Variants in COL23A1 observed in about 807,000 individuals in gnomAD.
COL23A1 encodes collagen type XXIII alpha 1 chain, also known as collagen alpha-1(XXIII) chain.
In COL23A1, 97 loss-of-function variants were observed where a neutral mutation model predicts 99.3. The ratio of observed to expected loss-of-function variants is 0.98; its 90% CI spans 0.83 to 1.16. The LOEUF is 1.16. Among genes scored for constraint, COL23A1 ranks in the 50% most tolerant of loss-of-function variants. The pLI, the probability that COL23A1 is intolerant of heterozygous loss-of-function variation, is 0.00. For synonymous variants in COL23A1, 320 were observed against 308.2 expected, an observed-to-expected ratio of 1.04 and a Z score of -0.40; for missense variants, 762 against 757.4, an observed-to-expected ratio of 1.01 and a Z score of -0.07.
rs531361586 is a variant in COL23A1 at position 178,389,499 on chromosome 5, G to T, written c.362-82580C>A. Among the ~76,000 whole-genome samples the T allele has an allele frequency of 6.6e-5, 10 of 152,368 alleles. 1 individual carries two copies. The South Asian group carries it at 2.1e-3, about 32-fold the overall frequency. ...CATTCACACAGGGTCTGCAGGAGCT[G>T]ATGTCCACTGGGGAGCTGCACATTC... On this transcript the variant is annotated intron_variant, in intron 2 of 28. Coordinates refer to ENST00000390654, the MANE Select transcript of COL23A1 (RefSeq NM_173465.4).
At chr5:178,490,883 T>A (rs1562019247) in intron 2 of COL23A1, among the ~76,000 whole-genome samples, 1 of 149,250 alleles carries the variant, frequency 6.7e-6, no homozygotes, top group Non-Finnish European at 1.5e-5. Context: ...AAGAGTGAAT[T>A]TTACTGCATG....
At chr5:178,452,155 A>G (rs1343942168) in intron 2 of COL23A1, among the ~76,000 whole-genome samples, 1 of 152,242 alleles carries the variant, frequency 6.6e-6, no homozygotes, top group Non-Finnish European at 1.5e-5. Context: ...TGACACATGA[A>G]TAGACAGATC....
chr5:178,547,543 CCACA>C lies in COL23A1; in HGVS notation c.361+13135_361+13138del, dbSNP rs566028111. ...CACACACTCACACCCACAAACACAC[CCACA>C]CACCCCCATACACACCCCCACACAC... On this transcript the variant is annotated intron_variant, in intron 2 of 28. Transcript: ENST00000390654. Among the ~76,000 whole-genome samples, 377 of 106,210 alleles carry C rather than the reference CCACA, an allele frequency of 3.5e-3. 5 individuals are homozygous for C. The highest frequency in any genetic ancestry group is 4.7e-3 in the Non-Finnish European group (246 of 51,922). The allele number at this position is 106,210 out of a possible 152,430, so 69.7% of individuals were successfully genotyped here.
At chr5:178,456,802 A>G (rs1767823331) in intron 2 of COL23A1, among the ~76,000 whole-genome samples, 1 of 152,084 alleles carries the variant, frequency 6.6e-6, no homozygotes, top group South Asian at 2.1e-4. Flanking sequence ...TTTGCAACAA[A>G]CGTAACGAAG....
rs1018988420 is a variant in COL23A1, at chr5:178,245,929, A to T, written c.1440+13T>A. ...AGGCACCCAATTACTCAAAGTGATGATAAGACACTTACATCTAGTCCTGGC... is the reference window on the plus strand; with the variant it reads ...AGGCACCCAATTACTCAAAGTGATGTTAAGACACTTACATCTAGTCCTGGC... On this transcript the variant is annotated intron_variant, in intron 25 of 28. Transcript: ENST00000390654. 1 of 1,614,008 alleles carries T rather than the reference A, an allele frequency of 6.2e-7. No homozygotes were observed. Among genetic ancestry groups the T allele is most frequent in the African/African-American group, 1.3e-5 (1 of 74,932 alleles).
At position 178,366,093 on chromosome 5, in the gene COL23A1, G is replaced by C. The variant is rs1762460826; in HGVS notation, c.362-59174C>G. ...ATCTGCCGCTGTGTCCTCAGCATCT[G>C]GCCCAGCCCCATGGGGACCATCTGT... On this transcript the variant is annotated intron_variant, in intron 2 of 28. Transcript: ENST00000390654. This position sits in a 1 kb window ranked among gnomAD's most constrained non-coding sequence, Gnocchi z 4.4. Among the ~76,000 whole-genome samples, 1 of 152,142 alleles carries C rather than the reference G, an allele frequency of 6.6e-6. No homozygotes were observed. The highest frequency in any genetic ancestry group is 2.4e-5 in the African/African-American group (1 of 41,438).
At chr5:178,348,416 C>T (rs1761111934) in intron 2 of COL23A1, among the ~76,000 whole-genome samples, 3 of 152,234 alleles carry the variant, frequency 2.0e-5, no homozygotes, top group African/African-American at 7.2e-5. Flanking sequence ...GGTCAAGGCC[C>T]CATCCTGTCT....
chr5:178,541,455 G>T (rs1016467942), intron 2 of COL23A1, among the ~76,000 whole-genome samples: 1 of 152,168 alleles, frequency 6.6e-6, no homozygotes, highest in African/African-American at 2.4e-5. Flanking sequence ...GGGTGTGGTG[G>T]TCCTCGCTGC....
intron 2 of COL23A1, among the ~76,000 whole-genome samples, chr5:178,403,121 A>T (rs867421774): frequency 1.2e-4 from 9 of 74,186 alleles, no homozygotes; most frequent in South Asian, 5.7e-4. Flanking sequence ...AAAAAAAAAA[A>T]ATAAATAAAT....
At chr5:178,583,629 A>G (rs575214247) in intron 1 of COL23A1, among the ~76,000 whole-genome samples, 2 of 152,300 alleles carry the variant, frequency 1.3e-5, no homozygotes, top group East Asian at 3.9e-4. Context: ...CTGGTCCATC[A>G]GAGGGAATTA....
At chr5:178,552,919 A>C (rs924943377) in intron 2 of COL23A1, among the ~76,000 whole-genome samples, 1 of 151,810 alleles carries the variant, frequency 6.6e-6, no homozygotes, top group African/African-American at 2.4e-5. Context: ...CATGTTGGCC[A>C]GGATGGTCTT....
chr5:178,437,972 ATTAAACTTGAGGT>A (rs1359693515), intron 2 of COL23A1, among the ~76,000 whole-genome samples: 2 of 152,200 alleles, frequency 1.3e-5, no homozygotes, highest in African/African-American at 4.8e-5. Flanking sequence ...CACCACAGTG[ATTAAACTTGAGGT>A]TTAGGCAGGG....
chr5:178,520,385 C>T (rs775977062), intron 2 of COL23A1, among the ~76,000 whole-genome samples: 3 of 152,146 alleles, frequency 2.0e-5, no homozygotes, highest in South Asian at 2.1e-4. Context: ...ACACCTCATA[C>T]GACTCCTACA....
chr5:178,334,100 G>A (rs1760189995), intron 2 of COL23A1, among the ~76,000 whole-genome samples: 1 of 152,186 alleles, frequency 6.6e-6, no homozygotes, highest in African/African-American at 2.4e-5. Flanking sequence ...CCTCAAGGCT[G>A]TGGGCTAAGG....
chr5:178,405,210 C>T (rs1462118514), intron 2 of COL23A1, among the ~76,000 whole-genome samples: 1 of 152,262 alleles, frequency 6.6e-6, no homozygotes, highest in Non-Finnish European at 1.5e-5. Context: ...GGATAAACCA[C>T]AGCCCGGCTC....
intron 2 of COL23A1, among the ~76,000 whole-genome samples, chr5:178,500,725 G>A (rs35478197): frequency 0.14 from 21,729 of 150,806 alleles, 1,660 homozygotes; most frequent in Middle Eastern, 0.21. Flanking sequence ...CAACTTAAAT[G>A]TGAAAAGCAA....
At chr5:178,419,276 T>C (rs534135876) in intron 2 of COL23A1, among the ~76,000 whole-genome samples, 21 of 152,304 alleles carry the variant, frequency 1.4e-4, no homozygotes, top group Non-Finnish European at 2.4e-4. Flanking sequence ...CTCGTCAAGG[T>C]TGACATTGGT....
Position 178,590,299 on chromosome 5 carries a change from C to T in COL23A1, c.-102G>A. Reference sequence around the variant, plus strand: ...GGACAGCCCGAGGCACGAGGTCCGCCGGGCGCGGGGGTTAGCCTCCGGGTA... The same window carrying T: ...GGACAGCCCGAGGCACGAGGTCCGCTGGGCGCGGGGGTTAGCCTCCGGGTA... On this transcript the variant is annotated 5_prime_UTR_variant, in exon 1 of 29. Transcript: ENST00000390654. This position sits in a 1 kb window ranked among gnomAD's most constrained non-coding sequence, Gnocchi z 5.7. The T allele has an allele frequency of 2.8e-6, 3 of 1,065,418 alleles. No homozygotes were observed. The highest frequency in any genetic ancestry group is 4.4e-5 in the East Asian group (1 of 22,938). The allele number at this position is 1,065,418 out of a possible 1,614,324, so 66.0% of individuals were successfully genotyped here.
rs111981167 is a variant in COL23A1 at position 178,248,184 on chromosome 5, C to A, written c.1212+8G>T. On this transcript the variant is annotated splice_region_variant and intron_variant, in intron 20 of 28. Transcript: ENST00000390654. ...GGGGGAAGCCCTGACCCCCCCATAC[C>A]CCCTTACCAGGCTCTCCTGTAGGCT... is the stretch of plus-strand genomic sequence containing the variant. The A allele has an allele frequency of 8.7e-5, 137 of 1,582,878 alleles. 5 individuals are homozygous for A. In the African/African-American group the frequency reaches 1.2e-3, roughly 13 times the overall value.
Sources: gnomAD v4.1 joint callset for allele counts (sites outside exome capture counted in the v4.1 genomes callset) on GRCh38, gnomAD v4.1.1 for gene constraint, Gnocchi (gnomAD v3.1) non-coding constraint, MANE v1.5 for transcripts, NCBI Gene and HGNC (gene_info 2026-07-23, HGNC 2026-07-21) for gene names.